The following RYR3 variants were observed in gnomAD, a reference collection of about 807,000 sequenced individuals.
The protein encoded by RYR3 is ryanodine receptor 3.
Under a neutral mutation model 584.3 loss-of-function variants are expected in RYR3, and 207 were observed. The ratio of observed to expected loss-of-function variants is 0.35; its 90% confidence interval spans 0.32 to 0.40. The LOEUF is 0.40. Among genes scored for constraint, RYR3 ranks in the 10% least tolerant of loss-of-function variants. The pLI is 1.00. For synonymous variants in RYR3, 2,416 were observed against 2,248.5 expected (o/e 1.07, Z -2.11); for missense variants, 5,616 against 6,089.2 (o/e 0.92, Z 2.59).
intron 38 of RYR3, among the ~76,000 whole-genome samples, chr15:33,683,834 C>T (rs2064805559): frequency 6.6e-6 from 1 of 152,268 alleles, no homozygotes; most frequent in Non-Finnish European, 1.5e-5. Context: ...GAGATTCTCT[C>T]CTGTGCCTGC....
At chr15:33,483,497 G>A (rs138846950) in intron 2 of RYR3, among the ~76,000 whole-genome samples, 3 of 152,236 alleles carry the variant, frequency 2.0e-5, no homozygotes, top group Non-Finnish European at 4.4e-5. Context: ...CCTTCATCTT[G>A]TGCCAGCTTG....
At chr15:33,693,058 TG>T (rs2065561245) in intron 38 of RYR3, among the ~76,000 whole-genome samples, 1 of 152,234 alleles carries the variant, frequency 6.6e-6, no homozygotes, top group Non-Finnish European at 1.5e-5. Flanking sequence ...TGCAGAGAAT[TG>T]TTTTGTTAGT....
intron 60 of RYR3, among the ~76,000 whole-genome samples, chr15:33,761,662 T>C (rs1329348956): frequency 6.6e-6 from 1 of 152,218 alleles, no homozygotes; most frequent in South Asian, 2.1e-4. Context: ...CACAGCCTAA[T>C]TCTGCCAGAG....
intron 1 of RYR3, among the ~76,000 whole-genome samples, chr15:33,363,192 C>A (rs1335997346): frequency 6.6e-6 from 1 of 152,134 alleles, no homozygotes; most frequent in Non-Finnish European, 1.5e-5. Flanking sequence ...AGGTAGGGTG[C>A]TCTTTTTCTC....
rs774312183 is a variant in RYR3, at chr15:33,820,823, A to T, written c.10815+11A>T. The T allele has an allele frequency of 6.6e-7, 1 of 1,522,862 alleles. No homozygotes were observed. The highest frequency in any genetic ancestry group is 2.0e-5 in the Admixed American group (1 of 49,564). 94.3% of individuals were successfully genotyped at this position (1,522,862 alleles called of 1,614,324 possible). On this transcript the variant is annotated intron_variant, in intron 78 of 103. Transcript: ENST00000634891. Reference sequence around the variant, plus strand: ...GAAAAAACATTCGAAGTAAGTTCTCATGAAGAATAAAAATAGAGCCACCCT... The same window carrying T: ...GAAAAAACATTCGAAGTAAGTTCTCTTGAAGAATAAAAATAGAGCCACCCT...
intron 99 of RYR3, chr15:33,858,328 C>A: frequency 5.7e-6 from 1 of 175,698 alleles, no homozygotes; most frequent in South Asian, 1.4e-4. Context: ...CCTCAGCCTC[C>A]CTAGTAGCTG....
chr15:33,585,087 A>G (rs1409072308), intron 15 of RYR3, among the ~76,000 whole-genome samples: 1 of 152,070 alleles, frequency 6.6e-6, no homozygotes, highest in Non-Finnish European at 1.5e-5. Flanking sequence ...ATGAGTAAAC[A>G]TGGCAGGTAT....
intron 8 of RYR3, among the ~76,000 whole-genome samples, chr15:33,545,384 G>A (rs1435103): frequency 0.87 from 131,604 of 152,110 alleles, 57,567 homozygotes; most frequent in Middle Eastern, 0.98. Context: ...GTAGATGGAG[G>A]GGGATTTTCA....
chr15:33,575,880 GA>G (rs2058276487), intron 12 of RYR3, among the ~76,000 whole-genome samples: 2 of 151,082 alleles, frequency 1.3e-5, no homozygotes, highest in South Asian at 4.2e-4. Context: ...GACTAATGAA[GA>G]AAAAGAGAAG....
chr15:33,829,673 A>G (rs893020074), intron 85 of RYR3, among the ~76,000 whole-genome samples: 1 of 151,964 alleles, frequency 6.6e-6, no homozygotes, highest in African/African-American at 2.4e-5. Flanking sequence ...GAATGGCGTG[A>G]ACCCGGGAGG....
chr15:33,815,394 A>T (rs2076763116), intron 74 of RYR3: 1 of 152,956 alleles, frequency 6.5e-6, no homozygotes, highest in Non-Finnish European at 1.5e-5. Context: ...TTGGCCTTCG[A>T]AAGAGCCTAG....
chr15:33,813,016 G>C, intron 73 of RYR3, 22 bp downstream of exon 73: 1 of 1,613,702 alleles, frequency 6.2e-7, no homozygotes, highest in Non-Finnish European at 8.5e-7. Flanking sequence ...CTGCCCTGAG[G>C]AATGGGGAAG....
chr15:33,722,355 C>T lies in RYR3; in HGVS notation c.6620-360C>T, dbSNP rs1300876882. 1.2e-5 allele frequency: 3 copies of T among 251,074 alleles called. No homozygotes were observed. In the East Asian group the frequency reaches 4.0e-4, roughly 33 times the overall value. 15.6% of individuals were successfully genotyped at this position (251,074 alleles called of 1,614,324 possible). Reference sequence around the variant, plus strand: ...ATATATGGAAATAATCTCTACAGTACAAAATCCTGAGCCGAAGAGTAAAAA... The same window carrying T: ...ATATATGGAAATAATCTCTACAGTATAAAATCCTGAGCCGAAGAGTAAAAA... On this transcript the variant is annotated intron_variant, in intron 43 of 103. Coordinates refer to ENST00000634891, the MANE Select transcript of RYR3 (RefSeq NM_001036.6).
chr15:33,521,965 A>G (rs1300073800), intron 3 of RYR3, among the ~76,000 whole-genome samples: 1 of 152,004 alleles, frequency 6.6e-6, no homozygotes, highest in Admixed American at 6.6e-5. Flanking sequence ...TTAAGATTCT[A>G]TTTGATGGCC....
At chr15:33,429,346 C>T (rs1446026511) in intron 1 of RYR3, among the ~76,000 whole-genome samples, 2 of 152,158 alleles carry the variant, frequency 1.3e-5, no homozygotes, top group South Asian at 2.1e-4. Flanking sequence ...AGGATTGTCA[C>T]GCAGCTCAAA....
chr15:33,675,388 T>C (rs1202497753), intron 38 of RYR3, among the ~76,000 whole-genome samples: 1 of 152,220 alleles, frequency 6.6e-6, no homozygotes, highest in Non-Finnish European at 1.5e-5. Context: ...CTTCAAAACT[T>C]TGTCAACCTG....
At chr15:33,817,772 TCA>T (rs1394456347) in intron 75 of RYR3, among the ~76,000 whole-genome samples, 3 of 152,222 alleles carry the variant, frequency 2.0e-5, no homozygotes, top group African/African-American at 7.2e-5. Context: ...GTTGGTTTTC[TCA>T]GTTTCTTGAT....
intron 67 of RYR3, among the ~76,000 whole-genome samples, chr15:33,795,676 G>A (rs1427226692): frequency 6.6e-6 from 1 of 152,040 alleles, no homozygotes; most frequent in Non-Finnish European, 1.5e-5. Flanking sequence ...TTACAGGTAT[G>A]CACCACGACG....
chr15:33,464,493 C>CACACACAT (rs2048318985), intron 1 of RYR3, among the ~76,000 whole-genome samples: 1 of 107,304 alleles, frequency 9.3e-6, no homozygotes, highest in African/African-American at 4.5e-5. Context: ...TATATATACA[C>CACACACAT]ATATATATAT....
Sources: allele counts gnomAD v4.1 joint callset (sites outside exome capture counted in the v4.1 genomes callset), GRCh38; gene constraint gnomAD v4.1.1; transcripts MANE v1.5; gene names NCBI Gene and HGNC (gene_info 2026-07-23, HGNC 2026-07-21).